AKT3: variants seen among roughly 807,000 people sequenced by gnomAD.
AKT3 encodes RAC-gamma serine/threonine-protein kinase.
Under a neutral mutation model 65.3 loss-of-function variants are expected in AKT3, and 15 were observed. The observed-to-expected ratio is 0.23, with a 90% CI of 0.15 to 0.35. AKT3 has a LOEUF of 0.35. AKT3 is among the 10% of genes least tolerant of loss of function. AKT3 has a pLI of 1.00. For missense variants in AKT3, 243 were observed against 576.5 expected (o/e 0.42, Z 5.92); for synonymous variants, 206 against 183.8 (o/e 1.12, Z -0.98).
At chr1:243,769,758 G>T (rs944483062) in intron 2 of AKT3, among the ~76,000 whole-genome samples, 2 of 152,050 alleles carry the variant, frequency 1.3e-5, no homozygotes, top group Non-Finnish European at 2.9e-5. Context: ...CTTAAAAATT[G>T]TTGTTTCCTG....
In AKT3 at chr1:243,720,760, TC is replaced by T. The variant is rs1230953821; in HGVS notation, c.47-25045del. Among the ~76,000 whole-genome samples the T allele has an allele frequency of 2.0e-5, 3 of 152,294 alleles. No homozygotes were observed. The East Asian group carries it at 5.8e-4, about 29-fold the overall frequency. ...TTTGGAGCCAATCAAAATGCAATAA[TC>T]TCTTGTCCTTTTCCTTTTATTTTTT... On this transcript the variant is annotated intron_variant, in intron 2 of 13. Coordinates refer to ENST00000673466, the MANE Select transcript of AKT3 (RefSeq NM_005465.7).
chr1:243,507,225 C>T (rs1669726663), intron 13 of AKT3, among the ~76,000 whole-genome samples: 1 of 152,186 alleles, frequency 6.6e-6, no homozygotes, highest in Non-Finnish European at 1.5e-5. Context: ...AGGTTCAGCA[C>T]CCAGGTTAGC....
chr1:243,581,554 T>C (rs947885791), intron 8 of AKT3, among the ~76,000 whole-genome samples: 1 of 151,782 alleles, frequency 6.6e-6, no homozygotes, highest in Non-Finnish European at 1.5e-5. Flanking sequence ...GAGAAAAAAA[T>C]ATATAATAAC....
At chr1:243,613,810 T>A in intron 7 of AKT3, 71 bp from the exon 8 acceptor site, 1 of 894,696 alleles carries the variant, frequency 1.1e-6, no homozygotes, top group Non-Finnish European at 1.6e-6. Context: ...GTACTAAAAA[T>A]AGAACACATA....
chr1:243,586,768 G>A (rs538053510), intron 8 of AKT3, among the ~76,000 whole-genome samples: 52 of 152,040 alleles, frequency 3.4e-4, no homozygotes, highest in African/African-American at 1.3e-3. Flanking sequence ...TAACTGTTGG[G>A]TACCATGCTC....
At chr1:243,562,113 G>C (rs1186902619) in intron 10 of AKT3, among the ~76,000 whole-genome samples, 1 of 152,072 alleles carries the variant, frequency 6.6e-6, no homozygotes, top group Non-Finnish European at 1.5e-5. Flanking sequence ...ACAAAATGTG[G>C]TATATCCATA....
chr1:243,802,635 A>G (rs924585454), intron 2 of AKT3, among the ~76,000 whole-genome samples: 16 of 152,152 alleles, frequency 1.1e-4, no homozygotes, highest in African/African-American at 3.9e-4. Context: ...ATTTTTGTGT[A>G]ACCCAAATTA....
chr1:243,548,119 G>C (rs561739771), intron 11 of AKT3: 1 of 152,302 alleles, frequency 6.6e-6, no homozygotes, highest in East Asian at 1.9e-4. Context: ...GGGAACCAGA[G>C]AAGCAAAAGC....
chr1:243,556,166 G>T (rs555338014), intron 10 of AKT3, among the ~76,000 whole-genome samples: 2 of 152,150 alleles, frequency 1.3e-5, no homozygotes, highest in East Asian at 3.9e-4. Flanking sequence ...AAGACTCAAG[G>T]AGGTTACAGC....
At chr1:243,811,730 A>C (rs1693172531) in intron 2 of AKT3, among the ~76,000 whole-genome samples, 1 of 152,342 alleles carries the variant, frequency 6.6e-6, no homozygotes, top group East Asian at 1.9e-4. Flanking sequence ...CCTAAGCCAA[A>C]AGAAAAAAGC....
At chr1:243,746,422 T>C (rs1369398330) in intron 2 of AKT3, among the ~76,000 whole-genome samples, 1 of 152,222 alleles carries the variant, frequency 6.6e-6, no homozygotes, top group African/African-American at 2.4e-5. Context: ...CATAAGCCTA[T>C]ACTTGATACA....
chr1:243,832,255 G>A (rs1015321425), intron 2 of AKT3, among the ~76,000 whole-genome samples: 2 of 148,946 alleles, frequency 1.3e-5, no homozygotes, highest in South Asian at 2.2e-4. Flanking sequence ...ATTCAAACTC[G>A]GTTTAAACTA....
intron 8 of AKT3, among the ~76,000 whole-genome samples, chr1:243,581,804 A>G (rs1477780149): frequency 9.9e-5 from 15 of 152,050 alleles, no homozygotes; most frequent in Admixed American, 7.2e-4. Context: ...AGTAAGCCCA[A>G]TGAGATCCAA....
chr1:243,663,576 C>G (rs1682548357), intron 4 of AKT3, among the ~76,000 whole-genome samples: 1 of 151,978 alleles, frequency 6.6e-6, no homozygotes, highest in Non-Finnish European at 1.5e-5. Context: ...TGGAAGTGCA[C>G]AAAAGAAAAT....
chr1:243,583,162 ATGTG>A (rs145963349), intron 8 of AKT3, among the ~76,000 whole-genome samples: 17,912 of 113,964 alleles, frequency 0.16, 1,562 homozygotes, highest in Non-Finnish European at 0.17. Context: ...TTCCATGTAT[ATGTG>A]TGTGTATATA....
At chr1:243,716,990 A>G (rs1191206156) in intron 2 of AKT3, among the ~76,000 whole-genome samples, 1 of 152,184 alleles carries the variant, frequency 6.6e-6, no homozygotes, top group East Asian at 1.9e-4. Flanking sequence ...TATCTTCTTC[A>G]GGGATTGTGT....
intron 6 of AKT3, among the ~76,000 whole-genome samples, chr1:243,633,863 AG>A (rs1281078514): frequency 6.6e-6 from 1 of 152,156 alleles, no homozygotes; most frequent in Non-Finnish European, 1.5e-5. Flanking sequence ...ACAAACAATA[AG>A]AATGATCCAA....
chr1:243,670,855 A>G (rs1683109188), intron 3 of AKT3, among the ~76,000 whole-genome samples: 1 of 152,190 alleles, frequency 6.6e-6, no homozygotes, highest in Non-Finnish European at 1.5e-5. Flanking sequence ...CAAAGTCTGT[A>G]CAAAGCTGTA....
chr1:243,768,936 C>T (rs1690000904), intron 2 of AKT3, among the ~76,000 whole-genome samples: 1 of 152,014 alleles, frequency 6.6e-6, no homozygotes, highest in African/African-American at 2.4e-5. Context: ...AGTGCAACTA[C>T]CACTACTAAT....
Sources: gnomAD v4.1 joint callset for allele counts (sites outside exome capture counted in the v4.1 genomes callset) on GRCh38, gnomAD v4.1.1 for gene constraint, MANE v1.5 for transcripts, NCBI Gene and HGNC (gene_info 2026-07-23, HGNC 2026-07-21) for gene names.